Variants in LRP1B observed in about 807,000 individuals in gnomAD.
LRP1B encodes low-density lipoprotein receptor-related protein 1B.
LRP1B carries 217 observed loss-of-function variants against 556.6 expected under a neutral mutation model. The ratio of observed to expected loss-of-function variants is 0.39; its 90% CI spans 0.35 to 0.44. LRP1B has a LOEUF of 0.44. LRP1B is among the 20% of genes least tolerant of loss of function. The probability of loss-of-function intolerance (pLI) is 1.00; values close to 1 mark genes in which losing one functional copy is unlikely to be tolerated. For missense variants in LRP1B, 5,053 were observed against 5,620.8 expected (o/e 0.90, Z 3.23); for synonymous variants, 2,047 against 1,865.8 (o/e 1.10, Z -2.50).
intron 7 of LRP1B, among the ~76,000 whole-genome samples, chr2:141,070,111 T>G (rs909615161): frequency 1.5e-4 from 23 of 151,942 alleles, no homozygotes; most frequent in African/African-American, 5.3e-4. Flanking sequence ...ATTTCATCCA[T>G]GTCCCCACAA....
At chr2:140,727,529 A>G (rs17513673) in intron 35 of LRP1B, among the ~76,000 whole-genome samples, 1 of 152,192 alleles carries the variant, frequency 6.6e-6, no homozygotes, top group African/African-American at 2.4e-5. Flanking sequence ...GGAGGAAGTG[A>G]AGCTTTTCCT....
chr2:140,755,791 C>T (rs912491927), intron 35 of LRP1B, among the ~76,000 whole-genome samples: 4 of 151,960 alleles, frequency 2.6e-5, no homozygotes, highest in African/African-American at 4.8e-5. Context: ...AAGAATGTGT[C>T]TTCTAAACAT....
chr2:141,631,676 G>A (rs1200736423), intron 2 of LRP1B, among the ~76,000 whole-genome samples: 2 of 151,876 alleles, frequency 1.3e-5, no homozygotes, highest in African/African-American at 2.4e-5. Flanking sequence ...GGACCAATCC[G>A]TGTTTTTGTT....
chr2:140,402,421 C>T (rs558800023), intron 66 of LRP1B, among the ~76,000 whole-genome samples: 1 of 152,162 alleles, frequency 6.6e-6, no homozygotes, highest in Non-Finnish European at 1.5e-5. Context: ...TCCATGAGAG[C>T]TTTGCATGGT....
chr2:141,946,532 T>C (rs534743588), intron 1 of LRP1B, among the ~76,000 whole-genome samples: 1 of 152,230 alleles, frequency 6.6e-6, no homozygotes. Context: ...CAACTAATGA[T>C]CTCTGGTGCC....
intron 43 of LRP1B, among the ~76,000 whole-genome samples, chr2:140,547,433 G>C (rs10469594): frequency 1.7e-3 from 265 of 152,224 alleles, no homozygotes; most frequent in African/African-American, 6.2e-3. Context: ...TTTCTAGTGT[G>C]TGTGCACAGA....
intron 7 of LRP1B, among the ~76,000 whole-genome samples, chr2:141,128,463 ATCT>A (rs1701270199): frequency 6.6e-6 from 1 of 152,064 alleles, no homozygotes; most frequent in Non-Finnish European, 1.5e-5. Context: ...TATTTCTCTG[ATCT>A]TCTGTTCACT....
intron 1 of LRP1B, among the ~76,000 whole-genome samples, chr2:142,129,385 G>A (rs1228329296): frequency 6.6e-6 from 1 of 152,198 alleles, no homozygotes; most frequent in Non-Finnish European, 1.5e-5. Context: ...ACACGTGTAG[G>A]TATGTTACAA....
chr2:141,095,762 G>A (rs1238000984), intron 7 of LRP1B, among the ~76,000 whole-genome samples: 1 of 152,066 alleles, frequency 6.6e-6, no homozygotes, highest in Non-Finnish European at 1.5e-5. Context: ...GTGCCATCCA[G>A]CTGCCCTTTG....
At chr2:141,490,910 A>AC (rs768988380) in intron 2 of LRP1B, among the ~76,000 whole-genome samples, 17 of 137,744 alleles carry the variant, frequency 1.2e-4, no homozygotes, top group Non-Finnish European at 2.6e-4. Context: ...CCCTCCCTCC[A>AC]CTTCCACCTA....
chr2:140,746,534 A>C (rs1307146069), intron 35 of LRP1B, among the ~76,000 whole-genome samples: 1 of 152,196 alleles, frequency 6.6e-6, no homozygotes, highest in East Asian at 1.9e-4. Context: ...GAAAATTCCA[A>C]TGCTCAGAGC....
chr2:141,885,140 C>T (rs182282441), intron 1 of LRP1B, among the ~76,000 whole-genome samples: 1 of 152,200 alleles, frequency 6.6e-6, no homozygotes, highest in East Asian at 1.9e-4. Flanking sequence ...TGAACTATAT[C>T]AGAATATTGC....
intron 72 of LRP1B, among the ~76,000 whole-genome samples, chr2:140,362,506 A>C (rs1243847371): frequency 6.6e-6 from 1 of 151,694 alleles, no homozygotes; most frequent in African/African-American, 2.4e-5. Context: ...TTTCCTGTTT[A>C]CAATAGGTTT....
At chr2:142,060,713 T>C (rs187017926) in intron 1 of LRP1B, among the ~76,000 whole-genome samples, 230 of 152,130 alleles carry the variant, frequency 1.5e-3, no homozygotes, top group African/African-American at 5.3e-3. Context: ...AGAGAATACA[T>C]ATGAAAAGAC....
chr2:140,863,100 T>C (rs1029978044), intron 27 of LRP1B, among the ~76,000 whole-genome samples: 16 of 152,160 alleles, frequency 1.1e-4, no homozygotes, highest in African/African-American at 3.1e-4. Flanking sequence ...TTGGCCTCCA[T>C]AAGCATATGA....
In LRP1B at chr2:141,541,202, G is replaced by A. The variant is rs577092787; in HGVS notation, c.206-60669C>T. Among the ~76,000 whole-genome samples, 227 of 152,066 alleles carry A rather than the reference G, an allele frequency of 1.5e-3. 1 individual carries two copies. Among genetic ancestry groups the A allele is most frequent in the African/African-American group, 5.4e-3 (224 of 41,530 alleles). ...ATTTCTTCAACAAACATTTCCAATA[G>A]AGGTTCCAGGTGTTTTACTGTATTT... is the stretch of plus-strand genomic sequence containing the variant. On this transcript the variant is annotated intron_variant, in intron 2 of 90. Transcript: ENST00000389484.
chr2:141,488,305 G>C (rs1247217424), intron 2 of LRP1B, among the ~76,000 whole-genome samples: 1 of 152,038 alleles, frequency 6.6e-6, no homozygotes, highest in Non-Finnish European at 1.5e-5. Context: ...CACCAAATTT[G>C]ATATGTAAAG....
chr2:140,309,199 A>G (rs1356728489), intron 83 of LRP1B, among the ~76,000 whole-genome samples: 3 of 151,840 alleles, frequency 2.0e-5, no homozygotes, highest in Non-Finnish European at 4.4e-5. Flanking sequence ...AGCATAAAAA[A>G]GATTATACAG....
chr2:140,732,518 G>C (rs1256415930), intron 35 of LRP1B, among the ~76,000 whole-genome samples: 1 of 151,998 alleles, frequency 6.6e-6, no homozygotes, highest in East Asian at 1.9e-4. Flanking sequence ...GCTAGGTTTT[G>C]GATAGTATAT....
Sources: allele counts gnomAD v4.1 joint callset (sites outside exome capture counted in the v4.1 genomes callset), GRCh38; gene constraint gnomAD v4.1.1; transcripts MANE v1.5; gene names NCBI Gene and HGNC (gene_info 2026-07-23, HGNC 2026-07-21).